Variants in HAX1 observed in about 807,000 individuals in gnomAD.
HAX1 encodes the protein HCLS1 associated protein X-1.
Under a neutral mutation model 31.1 loss-of-function variants are expected in HAX1, and 27 were observed. That is an observed-to-expected ratio of 0.87 (90% CI 0.64 to 1.20). The LOEUF is 1.20. Among genes scored for constraint, HAX1 ranks in the 50% most tolerant of loss-of-function variants. HAX1 has a pLI of 0.00. For synonymous variants in HAX1, 114 were observed against 124.1 expected (o/e 0.92, Z 0.54); for missense variants, 357 against 361.6 (o/e 0.99, Z 0.10).
intron 1 of HAX1, 133 bp from the exon 2 acceptor site, chr1:154,273,203 G>T: frequency 6.7e-5 from 54 of 803,202 alleles, no homozygotes; most frequent in Non-Finnish European, 1.0e-4. Flanking sequence ...ATGTTTTGAT[G>T]TGGCAGCCAG....
chr1:154,273,055 A>G, intron 1 of HAX1: 2 of 601,074 alleles, frequency 3.3e-6, no homozygotes, highest in East Asian at 5.6e-5. Context: ...GCAAGTGAGC[A>G]GGACCTTGGG....
chr1:154,274,393 G>A lies in HAX1; in HGVS notation c.504+432G>A, dbSNP rs570178536. ...CTCCTGAGTAGCTGGGATTACAGTCGCCTGCCAAACGCCCAGCTAATTTTT... is the reference window on the plus strand; with the variant it reads ...CTCCTGAGTAGCTGGGATTACAGTCACCTGCCAAACGCCCAGCTAATTTTT... On this transcript the variant is annotated intron_variant, in intron 3 of 6. Transcript: ENST00000328703. Among the ~76,000 whole-genome samples the A allele has an allele frequency of 9.9e-4, 150 of 152,114 alleles. 2 individuals carry two copies. Among genetic ancestry groups the A allele is most frequent in the Middle Eastern group, 3.4e-3 (1 of 294 alleles).
At chr1:154,275,347 T>C in intron 5 of HAX1, 46 bp from the exon 6 acceptor site, 1 of 1,583,420 alleles carries the variant, frequency 6.3e-7, no homozygotes, top group Non-Finnish European at 8.7e-7. Context: ...CTGCTGAGCA[T>C]AACCTTTAGT....
intron 2 of HAX1, 33 bp from the exon 3 acceptor site, chr1:154,273,741 C>G (rs147593581): frequency 7.4e-6 from 12 of 1,613,404 alleles, no homozygotes; most frequent in East Asian, 2.2e-5. Flanking sequence ...AAGTCCTTTC[C>G]CATCCCAGCA....
Position 154,274,002 on chromosome 1 carries a change from G to A in HAX1, c.504+41G>A, listed in dbSNP as rs766526352. ...GGTCCTGAAGTGAGAGCTTGTGAGA[G>A]ACCACTAATAAAGTGCAAAGACTGG... On this transcript the variant is annotated intron_variant, in intron 3 of 6. Transcript: ENST00000328703. 3 of 1,561,870 alleles carry A rather than the reference G, an allele frequency of 1.9e-6. No individual in the cohort carries two copies. In the Admixed American group the frequency reaches 5.0e-5, roughly 26 times the overall value.
chr1:154,272,804 G>A (rs112446831), intron 1 of HAX1, 28 bp downstream of exon 1: 1 of 1,608,262 alleles, frequency 6.2e-7, no homozygotes, highest in South Asian at 1.1e-5. Context: ...TCGGACAAGG[G>A]TGGGGGTCGT....
In HAX1 at chr1:154,275,740, TC is replaced by T. The variant is rs1192046167; in HGVS notation, c.*40del. The T allele has an allele frequency of 4.6e-6, 6 of 1,315,064 alleles. No individual in the cohort carries two copies. In the African/African-American group the frequency reaches 7.2e-5, roughly 16 times the overall value. The allele number at this position is 1,315,064 out of a possible 1,614,324, so 81.5% of individuals were successfully genotyped here. A position where few individuals can be genotyped will look rare whatever the true frequency, so the allele number is the denominator to read the frequency against. On this transcript the variant is annotated 3_prime_UTR_variant, in exon 7 of 7. Coordinates refer to ENST00000328703, the MANE Select transcript of HAX1 (RefSeq NM_006118.4). ...CAGAGGCCTTCAAGTCCTTTCCACC[TC>T]TCACCCATTGCCCACCATTAATAAG...
Position 154,275,375 on chromosome 1 carries a change from G to A in HAX1, c.664-18G>A, listed in dbSNP as rs1383938763. On this transcript the variant is annotated intron_variant, in intron 5 of 6. Coordinates refer to ENST00000328703, the MANE Select transcript of HAX1 (RefSeq NM_006118.4). ...CCTTTAGTAACATTCGGAATATGGT[G>A]GGGACTTCTCTTTGTAGATAGTGGA... is the stretch of plus-strand genomic sequence containing the variant. 2.5e-6 allele frequency: 4 copies of A among 1,608,540 alleles called. No homozygotes were observed. The highest frequency in any genetic ancestry group is 2.6e-6 in the Non-Finnish European group (3 of 1,175,000).
In HAX1 at chr1:154,275,202, C is replaced by T. The variant is rs1041678008; in HGVS notation, c.605C>T (p.Pro202Leu). ...SQEGLGPVLQ[P>L]QPKSYFKSIS... ...GAGGGTCTTGGCCCGGTTCTACAGC[C>T]CCAGCCCAAATCCTATTTCAAGAGC... Residue 202 changes from proline to leucine, a missense_variant, in exon 5 of 7, where the codon CCC becomes CTC. Physicochemically the swap from Pro to Leu is moderately conservative, Grantham distance 98. Transcript: ENST00000328703. 1.2e-6 allele frequency: 2 copies of T among 1,613,574 alleles called. No homozygotes were observed. Among genetic ancestry groups the T allele is most frequent in the Admixed American group, 1.7e-5 (1 of 59,992 alleles).
intron 3 of HAX1, 134 bp downstream of exon 3, chr1:154,274,095 G>A (rs1684884432): frequency 1.3e-6 from 1 of 782,762 alleles, no homozygotes; most frequent in Non-Finnish European, 2.2e-6. Context: ...ATCACCAGAG[G>A]TCAGGAGTTG....
Position 154,272,741 on chromosome 1 carries a change from C to G in HAX1, c.18C>G (p.Leu6=), listed in dbSNP as rs375735851. 27 of 1,614,086 alleles carry G rather than the reference C, an allele frequency of 1.7e-5. No individual in the cohort carries two copies. The highest frequency in any genetic ancestry group is 1.7e-5 in the Admixed American group (1 of 60,000). Residue 6 remains leucine, a synonymous_variant, in exon 1 of 7, where the codon CTC becomes CTG. Coordinates refer to ENST00000328703, the MANE Select transcript of HAX1 (RefSeq NM_006118.4). ...GTACGGGAATGAGCCTCTTTGATCT[C>G]TTCCGGGGCTTTTTCGGCTTTCCTG... MSLFD[L]FRGFFGFPGP...
In HAX1 at chr1:154,274,639, G is replaced by A. The variant is rs908585902; in HGVS notation, c.505-311G>A. On this transcript the variant is annotated intron_variant, in intron 3 of 6. Coordinates refer to ENST00000328703, the MANE Select transcript of HAX1 (RefSeq NM_006118.4). ...TTCTGTTTTCTATATTAAGCTTGTG[G>A]GATTTTCTTTGGGGGGAGATGGGTG... is the stretch of plus-strand genomic sequence containing the variant. Among the ~76,000 whole-genome samples, 6 of 152,060 alleles carry A rather than the reference G, an allele frequency of 3.9e-5. 1 individual carries two copies. Among genetic ancestry groups the A allele is most frequent in the African/African-American group, 1.4e-4 (6 of 41,394 alleles).
At chr1:154,273,085 G>T in intron 1 of HAX1, 1 of 602,018 alleles carries the variant, frequency 1.7e-6, no homozygotes, top group Non-Finnish European at 2.9e-6. Flanking sequence ...AGGGACTGGG[G>T]CACACTGAAG....
chr1:154,275,261 G>T lies in HAX1; in HGVS notation c.663+1G>T. The T allele has an allele frequency of 6.2e-7, 1 of 1,603,690 alleles. No homozygotes were observed. The highest frequency in any genetic ancestry group is 8.5e-7 in the Non-Finnish European group (1 of 1,170,484). ...GACCAAGATCACTAAACCAGATGGG[G>T]TGAGTTGAAAGAAAGAGGTAAAGGA... On this transcript the variant is annotated splice_donor_variant, in intron 5 of 6. Coordinates refer to ENST00000328703, the MANE Select transcript of HAX1 (RefSeq NM_006118.4). LOFTEE classifies it high-confidence loss of function.
chr1:154,275,219 T>A lies in HAX1; in HGVS notation c.622T>A (p.Phe208Ile), dbSNP rs1684906376. The change falls in exon 5 of 7, where the codon TTC (phenylalanine) becomes ATC (isoleucine). Residue 208 changes from phenylalanine (F) to isoleucine (I), a missense_variant. Coordinates refer to ENST00000328703, the MANE Select transcript of HAX1 (RefSeq NM_006118.4). ...PVLQPQPKSY[F>I]KSISVTKITK... ...TCTACAGCCCCAGCCCAAATCCTAT[T>A]TCAAGAGCATCTCTGTGACCAAGAT... 3 of 1,613,818 alleles carry A rather than the reference T, an allele frequency of 1.9e-6. No individual in the cohort carries two copies. Among genetic ancestry groups the A allele is most frequent in the Middle Eastern group, 1.7e-4 (1 of 6,058 alleles).
chr1:154,273,177 G>A, intron 1 of HAX1, 159 bp from the exon 2 acceptor site: 1 of 646,688 alleles, frequency 1.5e-6, no homozygotes, highest in Non-Finnish European at 2.7e-6. Flanking sequence ...AAAAAGAACT[G>A]TCAGCCATTG....
Position 154,274,693 on chromosome 1 carries a change from A to T in HAX1, c.505-257A>T, listed in dbSNP as rs575757513. On this transcript the variant is annotated intron_variant, in intron 3 of 6. Transcript: ENST00000328703. ...TGTTTCTTTTAAAAAACAAAAACAA[A>T]AAAACACCACTGGTCTAGATAATTC... Among the ~76,000 whole-genome samples the T allele has an allele frequency of 2.0e-5, 3 of 152,276 alleles. No individual in the cohort carries two copies. The East Asian group carries it at 5.8e-4, about 29-fold the overall frequency.
At chr1:154,275,555 C>G (rs1684915514) in intron 6 of HAX1, 61 bp from the exon 7 acceptor site, 4 of 1,571,970 alleles carry the variant, frequency 2.5e-6, no homozygotes, top group Non-Finnish European at 3.5e-6. Context: ...CTACCCTTGT[C>G]CTTTGCTTCT....
rs1488045097 is a variant in HAX1, at chr1:154,275,625, CACCAAG to C, written c.768_773del (p.Arg257_Pro258del). On this transcript the variant is annotated inframe_deletion, in exon 7 of 7. Coordinates refer to ENST00000328703, the MANE Select transcript of HAX1 (RefSeq NM_006118.4). Reference sequence around the variant, plus strand: ...TGACTTTCTTCCTTAGATCCAGAATCACCAAGACCTCCAGCCCTGGATGATGCCTTT... The same window carrying C: ...TGACTTTCTTCCTTAGATCCAGAATCACCTCCAGCCCTGGATGATGCCTTT... The C allele has an allele frequency of 1.2e-6, 2 of 1,613,398 alleles. No homozygotes were observed. Among genetic ancestry groups the C allele is most frequent in the East Asian group, 4.5e-5 (2 of 44,894 alleles).
Sources: gnomAD v4.1 joint callset for allele counts (sites outside exome capture counted in the v4.1 genomes callset) on GRCh38, gnomAD v4.1.1 for gene constraint, MANE v1.5 for transcripts, NCBI Gene and HGNC (gene_info 2026-07-23, HGNC 2026-07-21) for gene names.